SLC34A3: variants seen among roughly 807,000 people sequenced by gnomAD.
SLC34A3 encodes sodium-dependent phosphate transport protein 2C.
In SLC34A3, 60 loss-of-function variants were observed where a neutral mutation model predicts 43.9. The ratio of observed to expected loss-of-function variants is 1.37; its 90% CI spans 1.11 to 1.70. The LOEUF (loss-of-function observed/expected upper bound fraction) is 1.70. SLC34A3 is among the 40% of genes most tolerant of loss of function. The pLI is 0.00. For missense variants in SLC34A3, 969 were observed against 823.8 expected, an observed-to-expected ratio of 1.18 and a Z score of -2.16; for synonymous variants, 451 against 386.2, an observed-to-expected ratio of 1.17 and a Z score of -1.97.
rs1454182157 is a variant in SLC34A3, at chr9:137,233,934, G to A, written c.918G>A (p.Arg306=). Residue 306 remains arginine (R), a synonymous_variant, in exon 9 of 13, where the codon AGG becomes AGA. Coordinates refer to ENST00000673835, the MANE Select transcript of SLC34A3 (RefSeq NM_001177316.2). Reference sequence around the variant, plus strand: ...AGAACAGCACAGCCCCGGCGGACAGGCTGCCCTGTGAGGCCCGGCCCACCC... The same window carrying A: ...AGAACAGCACAGCCCCGGCGGACAGACTGCCCTGTGAGGCCCGGCCCACCC... ...TEKNSTAPAD[R]LPCRHLFAGT... 1.3e-6 allele frequency: 2 copies of A among 1,570,476 alleles called. No homozygotes were observed. Among genetic ancestry groups the A allele is most frequent in the South Asian group, 1.2e-5 (1 of 84,048 alleles).
At chr9:137,231,831 C>T (rs760920060) in intron 2 of SLC34A3, 44 bp downstream of exon 2, 4 of 1,514,838 alleles carry the variant, frequency 2.6e-6, no homozygotes, top group Non-Finnish European at 1.8e-6. Context: ...AGTCTGACCA[C>T]CCACCCCCCA....
intron 12 of SLC34A3, among the ~76,000 whole-genome samples, chr9:137,235,498 C>G (rs895348498): frequency 2.0e-5 from 3 of 152,210 alleles, no homozygotes; most frequent in African/African-American, 7.2e-5. Context: ...CCAGACTGCA[C>G]CTGTGTGTGG....
chr9:137,232,578 T>TCCGCGTGGCCGGCAGGCTGCG lies in SLC34A3; in HGVS notation c.195_215dup (p.Arg65_Gly71dup), dbSNP rs532224704. ...ACAGCCTGCCCTGTGTCCTCAGAGCTCCGCGTGGCCGGCAGGCTGCGCCGC... is the reference window on the plus strand; with the variant it reads ...ACAGCCTGCCCTGTGTCCTCAGAGCTCCGCGTGGCCGGCAGGCTGCGCCGCGTGGCCGGCAGGCTGCGCCGC... On this transcript the variant is annotated inframe_insertion, in exon 4 of 13. Transcript: ENST00000673835. 1.2e-5 allele frequency: 19 copies of TCCGCGTGGCCGGCAGGCTGCG among 1,611,500 alleles called. No homozygotes were observed. The African/African-American group carries it at 1.2e-4, about 10-fold the overall frequency.
intron 12 of SLC34A3, among the ~76,000 whole-genome samples, chr9:137,235,346 G>A (rs1273649349): frequency 6.6e-6 from 1 of 152,186 alleles, no homozygotes; most frequent in African/African-American, 2.4e-5. Context: ...GAAACTCCGG[G>A]TCATGCTGCA....
chr9:137,233,251 C>T lies in SLC34A3; in HGVS notation c.603C>T (p.Leu201=), dbSNP rs1259876066. 1 of 1,579,468 alleles carries T rather than the reference C, an allele frequency of 6.3e-7. No individual in the cohort carries two copies. Among genetic ancestry groups the T allele is most frequent in the Non-Finnish European group, 8.6e-7 (1 of 1,162,772 alleles). ...GSAVHGIFNW[L]TVLVLLPLES... ...CGGTGCACGGGATCTTCAACTGGCT[C>T]ACAGTGCTGGTCCTGCTGCCACTGG... The change falls in exon 7 of 13, where the codon CTC becomes CTT. Residue 201 remains leucine, a synonymous_variant. Transcript: ENST00000673835.
chr9:137,233,158 GCCCCAGCCCGGGCCC>G (rs754136557), intron 6 of SLC34A3, 36 bp from the exon 7 acceptor site: 1 of 972,838 alleles, frequency 1.0e-6, no homozygotes, highest in South Asian at 1.4e-5. Context: ...TGCAGTGGCA[GCCCCAGCCCGGGCCC>G]CCCCACCTGA....
In SLC34A3 at chr9:137,232,603, C is replaced by T. The variant is rs140559114; in HGVS notation, c.204C>T (p.Arg68=). ...KELRVAGRLR[R]VAGSVLKACG... ...TCCGCGTGGCCGGCAGGCTGCGCCG[C>T]GTGGCCGGCAGCGTCCTCAAGGCCT... Residue 68 remains arginine, a synonymous_variant, in exon 4 of 13, where the codon CGC becomes CGT. Coordinates refer to ENST00000673835, the MANE Select transcript of SLC34A3 (RefSeq NM_001177316.2). The T allele has an allele frequency of 1.2e-4, 195 of 1,611,074 alleles. No homozygotes were observed. The Middle Eastern group carries it at 1.8e-3, about 15-fold the overall frequency.
rs1433255954 is a variant in SLC34A3, at chr9:137,236,137, C to G, written c.1521C>G (p.Ser507=). The G allele has an allele frequency of 5.6e-6, 9 of 1,610,974 alleles. 1 individual carries two copies. In the South Asian group the frequency reaches 9.9e-5, roughly 18 times the overall value. The change falls in exon 13 of 13, where the codon TCC becomes TCG. Residue 507 remains serine, a synonymous_variant. Coordinates refer to ENST00000673835, the MANE Select transcript of SLC34A3 (RefSeq NM_001177316.2). The stretch of plus-strand genomic sequence containing the variant: ...TGCCCCTGGCGGCCTTCGGGCTCTC[C>G]CTGGCAGGGGGCATGGAGCTGGCCG... ...LLLPLAAFGL[S]LAGGMELAAV...
chr9:137,233,779 T>TTGGGGGGCCCCC, intron 8 of SLC34A3, 57 bp downstream of exon 8: 5 of 1,445,798 alleles, frequency 3.5e-6, no homozygotes, highest in Non-Finnish European at 4.8e-6. Context: ...TGCTGAGTCA[T>TTGGGGGGCCCCC]CCCGCCCCAC....
In SLC34A3 at chr9:137,234,107, A is replaced by C. The variant is rs1034757098; in HGVS notation, c.926-2A>C. The C allele has an allele frequency of 2.7e-6, 3 of 1,116,064 alleles. No individual in the cohort carries two copies. The highest frequency in any genetic ancestry group is 3.3e-6 in the Non-Finnish European group (3 of 904,668). The allele number at this position is 1,116,064 out of a possible 1,614,324, so 69.1% of individuals were successfully genotyped here. ...CCTCACCTGCCCCTGCCCTGCCCCC[A>C]GGCCGCCACCTGTTTGCGGGCACGG... On this transcript the variant is annotated splice_acceptor_variant, in intron 9 of 12. Transcript: ENST00000673835. LOFTEE classifies it high-confidence loss of function. The surrounding 1 kb of genome is among the most constrained non-coding windows in gnomAD (Gnocchi z 6.9).
chr9:137,233,779 T>TGCCCCCCCCCCCCCC, intron 8 of SLC34A3, 57 bp downstream of exon 8: 2 of 1,445,826 alleles, frequency 1.4e-6, no homozygotes, highest in Middle Eastern at 2.1e-4. Flanking sequence ...TGCTGAGTCA[T>TGCCCCCCCCCCCCCC]CCCGCCCCAC....
In SLC34A3 at chr9:137,236,206, G is replaced by A. The variant is rs1836585358; in HGVS notation, c.1590G>A (p.Leu530=). The A allele has an allele frequency of 6.3e-7, 1 of 1,594,312 alleles. No homozygotes were observed. The highest frequency in any genetic ancestry group is 8.5e-7 in the Non-Finnish European group (1 of 1,172,840). The part of the protein sequence containing the change: ...PLVGLVLLVI[L]VTVLQRRRPA... Reference sequence around the variant, plus strand: ...TGGGGCTGGTGCTCCTCGTCATCCTGGTTACTGTCCTGCAGCGGCGCCGGC... The same window carrying A: ...TGGGGCTGGTGCTCCTCGTCATCCTAGTTACTGTCCTGCAGCGGCGCCGGC... Residue 530 remains leucine, a synonymous_variant, in exon 13 of 13, where the codon CTG becomes CTA. Coordinates refer to ENST00000673835, the MANE Select transcript of SLC34A3 (RefSeq NM_001177316.2).
chr9:137,231,625 A>G, intron 1 of SLC34A3, 39 bp from the exon 2 acceptor site: 1 of 1,257,460 alleles, frequency 8.0e-7, no homozygotes, highest in Non-Finnish European at 1.2e-6. Flanking sequence ...GGGCCGGGGC[A>G]GGAGGAAATG....
In SLC34A3 at chr9:137,234,785, C is replaced by T; in HGVS notation, c.1335+54C>T. ...ACTGGCCAGCTTCCTCTCAGCCCCA[C>T]AGACAGGAGTGTGTCACCAGCCCCG... On this transcript the variant is annotated intron_variant, in intron 12 of 12. Transcript: ENST00000673835. This position sits in a 1 kb window ranked among gnomAD's most constrained non-coding sequence, Gnocchi z 6.9. 1 of 1,599,046 alleles carries T rather than the reference C, an allele frequency of 6.3e-7. No homozygotes were observed. Among genetic ancestry groups the T allele is most frequent in the South Asian group, 1.1e-5 (1 of 90,984 alleles).
At position 137,234,107 on chromosome 9, in the gene SLC34A3, A is replaced by G; in HGVS notation, c.926-2A>G. On this transcript the variant is annotated splice_acceptor_variant, in intron 9 of 12. Transcript: ENST00000673835. LOFTEE classifies it high-confidence loss of function. This position sits in a 1 kb window ranked among gnomAD's most constrained non-coding sequence, Gnocchi z 6.9. ...CCTCACCTGCCCCTGCCCTGCCCCC[A>G]GGCCGCCACCTGTTTGCGGGCACGG... The G allele has an allele frequency of 2.7e-6, 3 of 1,116,066 alleles. No individual in the cohort carries two copies. The highest frequency in any genetic ancestry group is 3.3e-6 in the Non-Finnish European group (3 of 904,668). The allele number at this position is 1,116,066 out of a possible 1,614,324, so 69.1% of individuals were successfully genotyped here. A position where few individuals can be genotyped will look rare whatever the true frequency, so the allele number is the denominator to read the frequency against.
At chr9:137,231,629 G>A (rs1836218491) in intron 1 of SLC34A3, 35 bp from the exon 2 acceptor site, 7 of 1,308,910 alleles carry the variant, frequency 5.3e-6, no homozygotes, top group Non-Finnish European at 7.7e-6. Flanking sequence ...CGGGGCAGGA[G>A]GAAATGTCTC....
chr9:137,232,208 C>A, intron 3 of SLC34A3, 47 bp downstream of exon 3: 1 of 1,561,398 alleles, frequency 6.4e-7, no homozygotes, highest in Non-Finnish European at 8.8e-7. Flanking sequence ...GCCTCTGTCC[C>A]CAACGGGACT....
upstream of SLC34A3, among the ~76,000 whole-genome samples, chr9:137,230,393 G>A (rs567606064): frequency 1.9e-4 from 29 of 152,198 alleles, no homozygotes; most frequent in Non-Finnish European, 2.9e-4. Flanking sequence ...CTCGGGCTGG[G>A]TGCCCTCCCC....
intron 12 of SLC34A3, 81 bp from the exon 13 acceptor site, chr9:137,235,871 G>T: frequency 8.0e-7 from 1 of 1,256,638 alleles, no homozygotes. Flanking sequence ...CCTTCTGTAG[G>T]GTGGAGGAGG....
Sources: allele counts gnomAD v4.1 joint callset (sites outside exome capture counted in the v4.1 genomes callset), GRCh38; gene constraint gnomAD v4.1.1; non-coding constraint Gnocchi (gnomAD v3.1); transcripts MANE v1.5; gene names NCBI Gene and HGNC (gene_info 2026-07-23, HGNC 2026-07-21).